Variants in ALDH18A1 observed in about 807,000 individuals in gnomAD.
ALDH18A1 encodes the protein aldehyde dehydrogenase 18 family member A1, also known as delta-1-pyrroline-5-carboxylate synthase.
ALDH18A1 carries 44 observed loss-of-function variants against 88.8 expected under a neutral mutation model. The observed-to-expected ratio is 0.50, with a 90% confidence interval of 0.39 to 0.64. The LOEUF (loss-of-function observed/expected upper bound fraction) is 0.64. Among genes scored for constraint, ALDH18A1 ranks in the 30% least tolerant of loss-of-function variants. The probability of loss-of-function intolerance (pLI) is 0.00; values close to 1 mark genes in which losing one functional copy is unlikely to be tolerated. For synonymous variants in ALDH18A1, 331 were observed against 372.1 expected (o/e 0.89, Z 1.27); for missense variants, 782 against 1,009.5 (o/e 0.77, Z 3.05).
chr10:95,643,491 C>A lies in ALDH18A1; in HGVS notation c.89-285G>T, dbSNP rs117519014. Among the ~76,000 whole-genome samples, 5,116 of 152,142 alleles carry A rather than the reference C, an allele frequency of 0.034. 117 individuals carry two copies. Among genetic ancestry groups the A allele is most frequent in the Non-Finnish European group, 0.049 (3,337 of 68,000 alleles). ...CTTGAAGACAGGTTGGCAAATTTAT[C>A]GAAAGCCTTAAAAAAGTTCTCTAAA... On this transcript the variant is annotated intron_variant, in intron 2 of 17. Coordinates refer to ENST00000371224, the MANE Select transcript of ALDH18A1 (RefSeq NM_002860.4).
At chr10:95,620,957 A>G (rs2097851320) in intron 12 of ALDH18A1, 74 bp downstream of exon 12, 6 of 1,421,434 alleles carry the variant, frequency 4.2e-6, no homozygotes, top group Non-Finnish European at 4.8e-6. Flanking sequence ...AAAGAAAAGA[A>G]AATATATTCT....
rs887026110 is a variant in ALDH18A1, at chr10:95,606,595, C to T, written c.*167G>A. 4 of 1,568,676 alleles carry T rather than the reference C, an allele frequency of 2.5e-6. No individual in the cohort carries two copies. In the African/African-American group the frequency reaches 5.4e-5, roughly 21 times the overall value. On this transcript the variant is annotated 3_prime_UTR_variant, in exon 18 of 18. Transcript: ENST00000371224. ...GGTGAGCTGGGAGCCAGACTGTGCA[C>T]ATCAGCCAAGACTGCTATTGCCAAA... is the stretch of plus-strand genomic sequence containing the variant.
intron 3 of ALDH18A1, among the ~76,000 whole-genome samples, 170 bp from the exon 4 acceptor site, chr10:95,637,606 C>T (rs1392820828): frequency 6.6e-6 from 1 of 152,156 alleles, no homozygotes; most frequent in Non-Finnish European, 1.5e-5. Flanking sequence ...ACACAGATTC[C>T]TACATCCTGT....
At chr10:95,628,853 G>C (rs1255392812) in intron 7 of ALDH18A1, 2 of 326,088 alleles carry the variant, frequency 6.1e-6, no homozygotes, top group Non-Finnish European at 1.2e-5. Flanking sequence ...GAAAAAGAAG[G>C]GTGGCTATTG....
Position 95,620,881 on chromosome 10 carries a change from T to C in ALDH18A1, c.1467+150A>G, listed in dbSNP as rs1051774286. ...GTGCAGCAAACCAATATGGCACATG[T>C]ATACCTATGTAACAAACCTGCACGT... On this transcript the variant is annotated intron_variant, in intron 12 of 17. Coordinates refer to ENST00000371224, the MANE Select transcript of ALDH18A1 (RefSeq NM_002860.4). 3.7e-5 allele frequency: 27 copies of C among 732,140 alleles called. No homozygotes were observed. The African/African-American group carries it at 4.5e-4, about 12-fold the overall frequency. The allele number at this position is 732,140 out of a possible 1,614,324, so 45.4% of individuals were successfully genotyped here. A position where few individuals can be genotyped will look rare whatever the true frequency, so the allele number is the denominator to read the frequency against.
At chr10:95,610,374 C>T (rs1479568333) in intron 16 of ALDH18A1, 82 bp from the exon 17 acceptor site, 3 of 1,401,364 alleles carry the variant, frequency 2.1e-6, no homozygotes, top group Non-Finnish European at 3.0e-6. Flanking sequence ...GGTGACAGAT[C>T]AGGGCAGGGT....
At chr10:95,624,026 C>A (rs538668881) in intron 11 of ALDH18A1, among the ~76,000 whole-genome samples, 4 of 151,182 alleles carry the variant, frequency 2.6e-5, no homozygotes, top group Non-Finnish European at 5.9e-5. Flanking sequence ...TTATTAGAGA[C>A]AAGGTTTCAC....
chr10:95,638,599 C>T (rs541116999), intron 3 of ALDH18A1, among the ~76,000 whole-genome samples: 49 of 152,242 alleles, frequency 3.2e-4, no homozygotes, highest in African/African-American at 1.1e-3. Context: ...AGGCTTAACC[C>T]GGGTAAAGGA....
chr10:95,653,859 C>T (rs2097914030), intron 1 of ALDH18A1, among the ~76,000 whole-genome samples: 1 of 152,194 alleles, frequency 6.6e-6, no homozygotes, highest in African/African-American at 2.4e-5. Flanking sequence ...TCCTTGCCAG[C>T]CAGCCATGAA....
intron 1 of ALDH18A1, among the ~76,000 whole-genome samples, chr10:95,656,117 G>A (rs1589590534): frequency 6.6e-6 from 1 of 152,252 alleles, no homozygotes. Flanking sequence ...CTGGAGGGCC[G>A]CGGGGAACTA....
chr10:95,649,997 C>T (rs2097907779), intron 2 of ALDH18A1, among the ~76,000 whole-genome samples: 1 of 151,966 alleles, frequency 6.6e-6, no homozygotes, highest in Non-Finnish European at 1.5e-5. Context: ...GAGGTTGAGG[C>T]TGCAGTGAGC....
At chr10:95,621,862 A>G (rs1313619123) in intron 11 of ALDH18A1, among the ~76,000 whole-genome samples, 1 of 152,212 alleles carries the variant, frequency 6.6e-6, no homozygotes, top group Non-Finnish European at 1.5e-5. Flanking sequence ...TGAGAAATTG[A>G]ATTCTACCTA....
intron 8 of ALDH18A1, 104 bp downstream of exon 8, chr10:95,628,264 T>C (rs2097863163): frequency 6.6e-7 from 1 of 1,506,314 alleles, no homozygotes; most frequent in Non-Finnish European, 9.2e-7. Flanking sequence ...TGTATGTGCC[T>C]ACTATCTGAA....
chr10:95,651,941 C>T (rs2097911052), intron 2 of ALDH18A1, among the ~76,000 whole-genome samples: 2 of 152,236 alleles, frequency 1.3e-5, no homozygotes, highest in South Asian at 4.1e-4. Context: ...TCATACCAGC[C>T]TTATTCATAA....
chr10:95,647,841 G>A (rs2097903705), intron 2 of ALDH18A1, among the ~76,000 whole-genome samples: 2 of 152,230 alleles, frequency 1.3e-5, no homozygotes, highest in African/African-American at 4.8e-5. Context: ...GAGGTCCAAG[G>A]GGACAAGGTT....
chr10:95,654,412 C>A (rs748066129), intron 1 of ALDH18A1, among the ~76,000 whole-genome samples: 2 of 152,100 alleles, frequency 1.3e-5, no homozygotes, highest in Non-Finnish European at 2.9e-5. Flanking sequence ...ATCCACCCAC[C>A]TCGGCCTCCC....
chr10:95,630,122 CT>C (rs1336069709), intron 7 of ALDH18A1, among the ~76,000 whole-genome samples: 5 of 152,132 alleles, frequency 3.3e-5, no homozygotes, highest in South Asian at 2.1e-4. Context: ...TTTCCCCCCC[CT>C]CTCCCAACAG....
intron 3 of ALDH18A1, among the ~76,000 whole-genome samples, chr10:95,639,446 C>T (rs1259458690): frequency 6.6e-6 from 1 of 152,056 alleles, no homozygotes; most frequent in South Asian, 2.1e-4. Context: ...CTCTCATGGC[C>T]AACTTCCCAC....
chr10:95,632,468 T>A (rs1010656819), intron 7 of ALDH18A1, among the ~76,000 whole-genome samples: 1 of 152,190 alleles, frequency 6.6e-6, no homozygotes, highest in Non-Finnish European at 1.5e-5. Context: ...CAGCTCCAAG[T>A]GAACCTTCTG....
Sources: allele counts gnomAD v4.1 joint callset (sites outside exome capture counted in the v4.1 genomes callset), GRCh38; gene constraint gnomAD v4.1.1; transcripts MANE v1.5; gene names NCBI Gene and HGNC (gene_info 2026-07-23, HGNC 2026-07-21).